LGALS13: variants seen among roughly 807,000 people sequenced by gnomAD.
LGALS13 encodes the protein galactoside-binding soluble lectin 13.
A neutral mutation model predicts 13.2 loss-of-function variants in LGALS13; 11 were observed. That is an observed-to-expected ratio of 0.83 (90% CI 0.52 to 1.38). The LOEUF is 1.38. Ranked by LOEUF, LGALS13 falls within the 40% of genes most tolerant of loss-of-function variation. The pLI is 0.00. For missense variants in LGALS13, 183 were observed against 174.3 expected (o/e 1.05, Z -0.28); for synonymous variants, 71 against 63.7 (o/e 1.11, Z -0.54).
Position 39,607,274 on chromosome 19 carries a change from T to A in LGALS13, c.355T>A (p.Ser119Thr), listed in dbSNP as rs570302919. 6.2e-7 allele frequency: 1 copy of A among 1,614,160 alleles called. No individual in the cohort carries two copies. The highest frequency in any genetic ancestry group is 8.5e-7 in the Non-Finnish European group (1 of 1,180,008). ...IYGFVHRIPP[S>T]FVKMVQVSRD... ...CGGCTTTGTCCATCGAATCCCGCCA[T>A]CATTTGTGAAGATGGTGCAAGTGTC... The change falls in exon 4 of 4, where the codon TCA becomes ACA. Residue 119 changes from serine (S) to threonine (T), a missense_variant. Transcript: ENST00000221797.
chr19:39,604,132 C>A, intron 1 of LGALS13: 1 of 379,020 alleles, frequency 2.6e-6, no homozygotes, highest in Non-Finnish European at 3.6e-6. Context: ...ATTTACAAGT[C>A]TTGTTTTAAT....
intron 1 of LGALS13, among the ~76,000 whole-genome samples, chr19:39,603,295 G>A (rs746750286): frequency 1.3e-5 from 2 of 152,000 alleles, no homozygotes; most frequent in Non-Finnish European, 2.9e-5. Context: ...GGTTCCTCAG[G>A]TGGGGTCTGC....
intron 3 of LGALS13, among the ~76,000 whole-genome samples, chr19:39,606,610 G>A (rs967395143): frequency 6.6e-6 from 1 of 152,148 alleles, no homozygotes; most frequent in Non-Finnish European, 1.5e-5. Context: ...ATACTTTCTG[G>A]CTTTCTCTAA....
chr19:39,604,749 T>G, intron 2 of LGALS13, 71 bp downstream of exon 2: 1 of 1,558,816 alleles, frequency 6.4e-7, no homozygotes, highest in Non-Finnish European at 8.8e-7. Context: ...TGACCTTACA[T>G]GTGGGTGATG....
In LGALS13 at chr19:39,604,617, C is replaced by T. The variant is rs1326443442; in HGVS notation, c.31C>T (p.Pro11Ser). ...ACTCTGGCAGGTGCCATACAAACTG[C>T]CTGTGTCTTTGTCTGTTGGTTCCTG... MSSLPVPYKL[P>S]VSLSVGSCVI... The change falls in exon 2 of 4, where the codon CCT (proline) becomes TCT (serine). Residue 11 changes from proline (P) to serine (S), a missense_variant. Pro to Ser is a moderately conservative substitution (Grantham distance 74). Transcript: ENST00000221797. 4 of 1,614,182 alleles carry T rather than the reference C, an allele frequency of 2.5e-6. No individual in the cohort carries two copies. Among genetic ancestry groups the T allele is most frequent in the Non-Finnish European group, 3.4e-6 (4 of 1,180,046 alleles).
At chr19:39,607,009 G>A (rs1972700535) in intron 3 of LGALS13, among the ~76,000 whole-genome samples, 1 of 152,160 alleles carries the variant, frequency 6.6e-6, no homozygotes, top group Admixed American at 6.5e-5. Flanking sequence ...ATAGAACTTC[G>A]CTAGAGGAAT....
intron 1 of LGALS13, 58 bp from the exon 2 acceptor site, chr19:39,604,544 C>T (rs1972650907): frequency 1.3e-6 from 2 of 1,580,996 alleles, no homozygotes; most frequent in African/African-American, 1.3e-5. Flanking sequence ...GAATATGTTA[C>T]AGGAGGGGAG....
At chr19:39,605,501 C>G in intron 3 of LGALS13, 113 bp downstream of exon 3, 1 of 847,520 alleles carries the variant, frequency 1.2e-6, no homozygotes, top group Non-Finnish European at 2.0e-6. Context: ...CATAACTACT[C>G]CTGCCCCTGG....
chr19:39,604,122 AT>A, intron 1 of LGALS13: 1 of 398,110 alleles, frequency 2.5e-6, no homozygotes, highest in Non-Finnish European at 3.4e-6. Flanking sequence ...AAATTCTTAC[AT>A]TTACAAGTCT....
chr19:39,602,549 T>C lies in LGALS13; in HGVS notation c.-20T>C. The C allele has an allele frequency of 6.2e-7, 1 of 1,613,950 alleles. No homozygotes were observed. The highest frequency in any genetic ancestry group is 1.1e-5 in the South Asian group (1 of 91,074). On this transcript the variant is annotated 5_prime_UTR_variant, in exon 1 of 4. Transcript: ENST00000221797. ...AGAAGACTGGACTCAATTCTGAAGG[T>C]CGCCAAGAAGGAGAGAACAATGTCT...
intron 3 of LGALS13, 111 bp downstream of exon 3, chr19:39,605,499 C>A: frequency 1.2e-6 from 1 of 849,634 alleles, no homozygotes; most frequent in Non-Finnish European, 2.0e-6. Flanking sequence ...CCCATAACTA[C>A]TCCTGCCCCT....
At chr19:39,605,846 T>G (rs952233254) in intron 3 of LGALS13, among the ~76,000 whole-genome samples, 2 of 146,150 alleles carry the variant, frequency 1.4e-5, no homozygotes, top group Non-Finnish European at 3.1e-5. Context: ...GTTTGTTTGT[T>G]TTTGTTTGTT....
At chr19:39,606,493 T>C (rs1366868888) in intron 3 of LGALS13, among the ~76,000 whole-genome samples, 1 of 152,094 alleles carries the variant, frequency 6.6e-6, no homozygotes, top group East Asian at 1.9e-4. Context: ...TAGAAGATAA[T>C]TACAAAAAAA....
At chr19:39,605,118 T>C in intron 2 of LGALS13, 60 bp from the exon 3 acceptor site, 1 of 1,343,026 alleles carries the variant, frequency 7.4e-7, no homozygotes, top group South Asian at 1.2e-5. Context: ...TGTGTGTGTG[T>C]CGAGTGTGTG....
Position 39,607,206 on chromosome 19 carries a change from C to T in LGALS13, c.304-17C>T. ...TTGGTGGCATGCTTTCTTTCTGATGCATTTTTCCTCTTGTAGATAAAGGTC... is the reference window on the plus strand; with the variant it reads ...TTGGTGGCATGCTTTCTTTCTGATGTATTTTTCCTCTTGTAGATAAAGGTC... On this transcript the variant is annotated splice_polypyrimidine_tract_variant and intron_variant, in intron 3 of 3. Transcript: ENST00000221797. 2.5e-6 allele frequency: 4 copies of T among 1,584,702 alleles called. No homozygotes were observed. The highest frequency in any genetic ancestry group is 3.5e-6 in the Non-Finnish European group (4 of 1,153,206).
At position 39,604,609 on chromosome 19, in the gene LGALS13, A is replaced by G. The variant is rs118188904; in HGVS notation, c.23A>G (p.Tyr8Cys). 3,911 of 1,614,146 alleles carry G rather than the reference A, an allele frequency of 2.4e-3. 6 individuals are homozygous for G. Among genetic ancestry groups the G allele is most frequent in the Non-Finnish European group, 3.1e-3 (3,624 of 1,180,006 alleles). Residue 8 changes from tyrosine to cysteine, a missense_variant, in exon 2 of 4, where the codon TAC (tyrosine) becomes TGC (cysteine). Coordinates refer to ENST00000221797, the MANE Select transcript of LGALS13 (RefSeq NM_013268.3). MSSLPVPYKLPVSLSVGS... is the reference protein window; with the variant it reads MSSLPVPCKLPVSLSVGS... ...CTCTCAATACTCTGGCAGGTGCCATACAAACTGCCTGTGTCTTTGTCTGTT... is the reference window on the plus strand; with the variant it reads ...CTCTCAATACTCTGGCAGGTGCCATGCAAACTGCCTGTGTCTTTGTCTGTT...
intron 3 of LGALS13, among the ~76,000 whole-genome samples, chr19:39,605,604 C>T (rs1351125127): frequency 6.6e-6 from 1 of 152,112 alleles, no homozygotes; most frequent in Non-Finnish European, 1.5e-5. Context: ...GACATTTCCC[C>T]CAAAGTAGAT....
chr19:39,604,096 A>C, intron 1 of LGALS13: 7 of 517,040 alleles, frequency 1.4e-5, no homozygotes, highest in Non-Finnish European at 1.7e-5. Flanking sequence ...GTTGTTTCTC[A>C]CTGGAGTGAA....
Position 39,605,374 on chromosome 19 carries a change from T to C in LGALS13, c.289T>C (p.Tyr97His). Residue 97 changes from tyrosine to histidine, a missense_variant, in exon 3 of 4, where the codon TAC becomes CAC. Transcript: ENST00000221797. The part of the protein sequence containing the change: ...KQFELCIYVH[Y>H]NEYEIKVNGI... ...ATTTGAGCTGTGCATCTACGTACAT[T>C]ACAATGAGTATGAGGTGAGCATCCC... 1 of 1,614,092 alleles carries C rather than the reference T, an allele frequency of 6.2e-7. No homozygotes were observed. The highest frequency in any genetic ancestry group is 8.5e-7 in the Non-Finnish European group (1 of 1,179,974).
Sources: allele counts gnomAD v4.1 joint callset (sites outside exome capture counted in the v4.1 genomes callset), GRCh38; gene constraint gnomAD v4.1.1; transcripts MANE v1.5; gene names NCBI Gene and HGNC (gene_info 2026-07-23, HGNC 2026-07-21).